LARP7: variants seen among roughly 807,000 people sequenced by gnomAD.
The protein encoded by LARP7 is La ribonucleoprotein 7, transcriptional regulator, also known as la-related protein 7.
LARP7 carries 52 observed loss-of-function variants against 69.3 expected under a neutral mutation model. The observed-to-expected ratio is 0.75, with a 90% CI of 0.60 to 0.95. The LOEUF is 0.95. LARP7 is among the 40% of genes least tolerant of loss of function. The probability of loss-of-function intolerance (pLI) is 0.00; values close to 1 mark genes in which losing one functional copy is unlikely to be tolerated. For missense variants in LARP7, 733 were observed against 673.0 expected (o/e 1.09, Z -0.99); for synonymous variants, 254 against 215.9 (o/e 1.18, Z -1.55).
At chr4:112,638,416 C>T (rs1218541789) in intron 1 of LARP7, among the ~76,000 whole-genome samples, 1 of 152,198 alleles carries the variant, frequency 6.6e-6, no homozygotes, top group Non-Finnish European at 1.5e-5. Context: ...CTATGTCTTT[C>T]GTGGTCTTTG....
chr4:112,648,826 G>T, intron 8 of LARP7: 1 of 200,160 alleles, frequency 5.0e-6, no homozygotes, highest in East Asian at 1.0e-4. Flanking sequence ...CTCAGGGAAT[G>T]TATGATCCTG....
rs1205351474 is a variant in LARP7 at position 112,649,585 on chromosome 4, G to A, written c.1193G>A (p.Ser398Asn). The A allele has an allele frequency of 6.2e-7, 1 of 1,607,348 alleles. No individual in the cohort carries two copies. The highest frequency in any genetic ancestry group is 8.5e-7 in the Non-Finnish European group (1 of 1,176,492). The part of the protein sequence containing the change: ...KKEYLALQKA[S>N]MASLKKTISQ... ...GAGTATTTAGCGCTACAAAAAGCTAGCATGGCTTCTTTAAAAAAAACAATA... is the reference window on the plus strand; with the variant it reads ...GAGTATTTAGCGCTACAAAAAGCTAACATGGCTTCTTTAAAAAAAACAATA... Residue 398 changes from serine (S) to asparagine (N), a missense_variant, in exon 9 of 13, where the codon AGC becomes AAC. Transcript: ENST00000344442.
At chr4:112,652,083 C>A (rs1009280466) in intron 10 of LARP7, among the ~76,000 whole-genome samples, 1 of 151,058 alleles carries the variant, frequency 6.6e-6, no homozygotes, top group African/African-American at 2.4e-5. Flanking sequence ...AGATCTAGTC[C>A]CTGGCTTCTA....
intron 12 of LARP7, among the ~76,000 whole-genome samples, chr4:112,655,741 C>G (rs2048928002): frequency 6.6e-6 from 1 of 152,150 alleles, no homozygotes; most frequent in Non-Finnish European, 1.5e-5. Flanking sequence ...AAGTGTATTG[C>G]AGGAGAGCAT....
rs1212808208 is a variant in LARP7, at chr4:112,644,716, G to A, written c.47G>A (p.Ser16Asn). 2 of 1,610,830 alleles carry A rather than the reference G, an allele frequency of 1.2e-6. No individual in the cohort carries two copies. The highest frequency in any genetic ancestry group is 1.7e-6 in the Non-Finnish European group (2 of 1,177,958). ...CAGGAAAAGGTAATGGAAGAAGAAA[G>A]CACTGAAAAGAAAAAAGAAGTTGAA... ...GNQEKVMEEE[S>N]TEKKKEVEKK... The change falls in exon 2 of 13, where the codon AGC (serine) becomes AAC (asparagine). Residue 16 changes from serine (S) to asparagine (N), a missense_variant. By Grantham distance (46) the Ser-to-Asn change is conservative (BLOSUM62 1). Transcript: ENST00000344442.
chr4:112,638,257 C>CT (rs1202205261), intron 1 of LARP7, among the ~76,000 whole-genome samples: 1 of 152,218 alleles, frequency 6.6e-6, no homozygotes, highest in African/African-American at 2.4e-5. Flanking sequence ...GATCGCGCCA[C>CT]TGCACTGCAG....
At chr4:112,648,662 A>G (rs998616945) in intron 8 of LARP7, 5 of 396,838 alleles carry the variant, frequency 1.3e-5, no homozygotes, top group African/African-American at 4.2e-5. Flanking sequence ...ACCTTCCTGA[A>G]CTAGTTCCCA....
chr4:112,648,278 A>C (rs1325302154), intron 8 of LARP7: 2 of 528,326 alleles, frequency 3.8e-6, no homozygotes, highest in South Asian at 1.4e-5. Flanking sequence ...AAAAGTTAGA[A>C]TCCTTTAACC....
chr4:112,644,939 T>C, intron 2 of LARP7, 68 bp downstream of exon 2: 1 of 486,596 alleles, frequency 2.1e-6, no homozygotes, highest in East Asian at 4.5e-5. Context: ...TATAAAATAA[T>C]ATATTCTTTT....
chr4:112,651,302 A>G lies in LARP7; in HGVS notation c.1416+720A>G, dbSNP rs566106484. Among the ~76,000 whole-genome samples, 3 of 152,286 alleles carry G rather than the reference A, an allele frequency of 2.0e-5. No individual in the cohort carries two copies. In the South Asian group the frequency reaches 6.2e-4, roughly 32 times the overall value. On this transcript the variant is annotated intron_variant, in intron 10 of 12. Transcript: ENST00000344442. The stretch of plus-strand genomic sequence containing the variant: ...AGTCACAGGTTTTAACTTGAATACC[A>G]TTGAGGTGGTGGTTTGTTTATCTGT...
chr4:112,641,315 G>A (rs2149250558), intron 1 of LARP7, among the ~76,000 whole-genome samples: 1 of 151,746 alleles, frequency 6.6e-6, no homozygotes, highest in African/African-American at 2.4e-5. Flanking sequence ...CTTGAACCCA[G>A]AGGGGGAGGT....
intron 1 of LARP7, among the ~76,000 whole-genome samples, chr4:112,639,136 A>C (rs2047848577): frequency 2.6e-5 from 4 of 152,196 alleles, no homozygotes; most frequent in Admixed American, 2.6e-4. Flanking sequence ...AGGATTTACA[A>C]AAGTGTATAT....
intron 1 of LARP7, among the ~76,000 whole-genome samples, chr4:112,640,232 C>T (rs1468969096): frequency 6.6e-6 from 1 of 152,182 alleles, no homozygotes; most frequent in Non-Finnish European, 1.5e-5. Flanking sequence ...AACCACTGCA[C>T]CTGGCCTATT....
In LARP7 at chr4:112,654,151, A is replaced by G. The variant is rs751393896; in HGVS notation, c.1660A>G (p.Thr554Ala). Residue 554 changes from threonine (T) to alanine (A), a missense_variant, in exon 12 of 13, where the codon ACT becomes GCT. Coordinates refer to ENST00000344442, the MANE Select transcript of LARP7 (RefSeq NM_016648.4). ...LNQPREKKRG[T>A]EKLITKAEKI... ...TCAGCCTCGGGAAAAGAAAAGAGGC[A>G]CTGAAAAGGTAATTGATTCATTTTT... 8 of 1,612,418 alleles carry G rather than the reference A, an allele frequency of 5.0e-6. No homozygotes were observed. The highest frequency in any genetic ancestry group is 1.1e-5 in the South Asian group (1 of 91,006).
chr4:112,638,756 A>G (rs2047826624), intron 1 of LARP7, among the ~76,000 whole-genome samples: 1 of 152,224 alleles, frequency 6.6e-6, no homozygotes. Flanking sequence ...TACTCACCTG[A>G]CTGTGCATTT....
chr4:112,648,672 A>T (rs758620645), intron 8 of LARP7: 2 of 385,386 alleles, frequency 5.2e-6, no homozygotes, highest in Non-Finnish European at 1.1e-5. Flanking sequence ...ACTAGTTCCC[A>T]AAGATTCGTG....
chr4:112,652,281 A>G lies in LARP7; in HGVS notation c.1417-796A>G, dbSNP rs1003873340. Among the ~76,000 whole-genome samples, 7 of 146,522 alleles carry G rather than the reference A, an allele frequency of 4.8e-5. No homozygotes were observed. In the East Asian group the frequency reaches 1.4e-3, roughly 30 times the overall value. On this transcript the variant is annotated intron_variant, in intron 10 of 12. Transcript: ENST00000344442. Reference sequence around the variant, plus strand: ...TAGGTCAAAACGAAAGGGAGGCAAGATAAATAAGATTTCCCCCCCCCCCCC... The same window carrying G: ...TAGGTCAAAACGAAAGGGAGGCAAGGTAAATAAGATTTCCCCCCCCCCCCC...
intron 1 of LARP7, among the ~76,000 whole-genome samples, chr4:112,639,992 G>A (rs1246867335): frequency 6.6e-6 from 1 of 152,174 alleles, no homozygotes; most frequent in Admixed American, 6.5e-5. Flanking sequence ...AGACTGGAGT[G>A]CAGTGGTACG....
chr4:112,655,896 G>A (rs993165602), intron 12 of LARP7, among the ~76,000 whole-genome samples: 12 of 152,140 alleles, frequency 7.9e-5, no homozygotes, highest in Admixed American at 2.0e-4. Context: ...GACCGGAAGG[G>A]AAGACTGTCA....
Sources: gnomAD v4.1 joint callset for allele counts (sites outside exome capture counted in the v4.1 genomes callset) on GRCh38, gnomAD v4.1.1 for gene constraint, MANE v1.5 for transcripts, NCBI Gene and HGNC (gene_info 2026-07-23, HGNC 2026-07-21) for gene names.